PSMD14: variants seen among roughly 807,000 people sequenced by gnomAD.
The protein encoded by PSMD14 is ubiquitin C-terminal hydrolase PSMD14.
PSMD14 carries 7 observed loss-of-function variants against 41.2 expected under a neutral mutation model. The ratio of observed to expected loss-of-function variants is 0.17; its 90% CI spans 0.10 to 0.32. PSMD14 has a LOEUF of 0.32. PSMD14 is among the 10% of genes least tolerant of loss of function. The pLI, the probability that PSMD14 is intolerant of heterozygous loss-of-function variation, is 1.00. For synonymous variants in PSMD14, 114 were observed against 122.3 expected, an observed-to-expected ratio of 0.93 and a Z score of 0.45; for missense variants, 139 against 375.6, an observed-to-expected ratio of 0.37 and a Z score of 5.21.
intron 3 of PSMD14, among the ~76,000 whole-genome samples, chr2:161,360,415 GCATGAT>G (rs1026087175): frequency 1.3e-5 from 2 of 151,436 alleles, no homozygotes; most frequent in Non-Finnish European, 2.9e-5. Flanking sequence ...GAGTGCAGTG[GCATGAT>G]TTTGGCTCAC....
intron 3 of PSMD14, among the ~76,000 whole-genome samples, chr2:161,332,389 A>T (rs183677116): frequency 5.3e-5 from 8 of 152,302 alleles, no homozygotes; most frequent in African/African-American, 1.7e-4. Flanking sequence ...TGTTTTATTT[A>T]AAAAAATTAT....
chr2:161,406,020 C>G (rs1290874486), intron 10 of PSMD14, among the ~76,000 whole-genome samples: 1 of 152,018 alleles, frequency 6.6e-6, no homozygotes, highest in East Asian at 1.9e-4. Context: ...AACAAAAAAT[C>G]CATTGGAATT....
At chr2:161,389,313 A>T (rs111794669) in intron 8 of PSMD14, among the ~76,000 whole-genome samples, 2 of 152,094 alleles carry the variant, frequency 1.3e-5, no homozygotes, top group East Asian at 3.9e-4. Context: ...CTCAAGCTCC[A>T]CTCTCTACGC....
chr2:161,325,185 G>C (rs1232930975), intron 3 of PSMD14, among the ~76,000 whole-genome samples: 4 of 151,946 alleles, frequency 2.6e-5, no homozygotes, highest in Admixed American at 6.6e-5. Flanking sequence ...TTGTATCTCT[G>C]GTACAGACCT....
chr2:161,359,106 A>G (rs1683251771), intron 3 of PSMD14, among the ~76,000 whole-genome samples: 6 of 152,018 alleles, frequency 3.9e-5, no homozygotes, highest in Admixed American at 3.9e-4. Context: ...GTAGCTGGGA[A>G]TACAGGCACA....
chr2:161,392,275 C>T lies in PSMD14; in HGVS notation c.645+1097C>T, dbSNP rs56792517. 1.4e-3 allele frequency among the ~76,000 whole-genome samples: 212 copies of T among 152,268 alleles called. 1 individual carries two copies. The highest frequency in any genetic ancestry group is 4.9e-3 in the African/African-American group (202 of 41,558). On this transcript the variant is annotated intron_variant, in intron 9 of 11. Coordinates refer to ENST00000409682, the MANE Select transcript of PSMD14 (RefSeq NM_005805.6). ...ATTTTTTAAAAGAACACTGAGTTTACTGTTGATTGATAGCCAGTAAGTTTT... is the reference window on the plus strand; with the variant it reads ...ATTTTTTAAAAGAACACTGAGTTTATTGTTGATTGATAGCCAGTAAGTTTT...
intron 8 of PSMD14, among the ~76,000 whole-genome samples, chr2:161,390,045 A>G (rs1366062773): frequency 2.0e-5 from 3 of 149,908 alleles, no homozygotes; most frequent in Non-Finnish European, 4.4e-5. Flanking sequence ...TTTTATTTTC[A>G]TCTGTCAAAA....
intron 3 of PSMD14, among the ~76,000 whole-genome samples, chr2:161,331,516 C>T (rs1414319219): frequency 6.6e-6 from 1 of 152,098 alleles, no homozygotes; most frequent in Non-Finnish European, 1.5e-5. Context: ...CCTCGGCCTA[C>T]CAAAGTGCTG....
chr2:161,385,538 G>T lies in PSMD14; in HGVS notation c.537G>T (p.Ser179=). The stretch of plus-strand genomic sequence containing the variant: ...GACATGAACCAAGACAAACAACTTC[G>T]AATCTGGGTCACTTAAACAAGCCAT... The part of the protein sequence containing the change: ...VLGHEPRQTT[S]NLGHLNKPSI... The change falls in exon 8 of 12, where the codon TCG becomes TCT. Residue 179 remains serine, a synonymous_variant. Coordinates refer to ENST00000409682, the MANE Select transcript of PSMD14 (RefSeq NM_005805.6). 6.2e-7 allele frequency: 1 copy of T among 1,607,610 alleles called. No homozygotes were observed. Among genetic ancestry groups the T allele is most frequent in the South Asian group, 1.1e-5 (1 of 90,788 alleles).
At chr2:161,343,051 G>A (rs1362097308) in intron 3 of PSMD14, among the ~76,000 whole-genome samples, 1 of 151,930 alleles carries the variant, frequency 6.6e-6, no homozygotes, top group African/African-American at 2.4e-5. Flanking sequence ...CTAAATAGTT[G>A]TCTTTTTTTA....
intron 5 of PSMD14, 98 bp from the exon 6 acceptor site, chr2:161,370,009 A>T (rs888838074): frequency 2.5e-6 from 2 of 795,390 alleles, no homozygotes; most frequent in Non-Finnish European, 3.9e-6. Flanking sequence ...AGGTATCAAA[A>T]CCTATAAAAT....
At chr2:161,390,058 C>G (rs1423615590) in intron 8 of PSMD14, among the ~76,000 whole-genome samples, 1 of 151,104 alleles carries the variant, frequency 6.6e-6, no homozygotes, top group Non-Finnish European at 1.5e-5. Flanking sequence ...TGTCAAAATA[C>G]AAATTGAATT....
intron 11 of PSMD14, chr2:161,409,546 C>T (rs1683997504): frequency 6.6e-6 from 1 of 152,164 alleles, no homozygotes; most frequent in East Asian, 1.9e-4. Flanking sequence ...AGACACTAAG[C>T]TGTCTTTGCT....
intron 9 of PSMD14, among the ~76,000 whole-genome samples, chr2:161,392,050 C>T (rs540197985): frequency 6.6e-6 from 1 of 152,082 alleles, no homozygotes; most frequent in Non-Finnish European, 1.5e-5. Flanking sequence ...CATTACCTGA[C>T]GTTTTGATGA....
chr2:161,394,837 T>G lies in PSMD14; in HGVS notation c.646-241T>G, dbSNP rs796607202. ...GTAAGGAAGAGAGGAAGGTAAGTTATGCAAAGATGAGAATAGCCTTCTAGG... is the reference window on the plus strand; with the variant it reads ...GTAAGGAAGAGAGGAAGGTAAGTTAGGCAAAGATGAGAATAGCCTTCTAGG... On this transcript the variant is annotated intron_variant, in intron 9 of 11. Coordinates refer to ENST00000409682, the MANE Select transcript of PSMD14 (RefSeq NM_005805.6). Among the ~76,000 whole-genome samples the G allele has an allele frequency of 2.6e-5, 4 of 152,262 alleles. No individual in the cohort carries two copies. The East Asian group carries it at 7.7e-4, about 29-fold the overall frequency.
In PSMD14 at chr2:161,361,222, C is replaced by T. The variant is rs182756019; in HGVS notation, c.49-6256C>T. Among the ~76,000 whole-genome samples the T allele has an allele frequency of 1.6e-4, 24 of 151,940 alleles. No individual in the cohort carries two copies. The South Asian group carries it at 3.9e-3, about 25-fold the overall frequency. On this transcript the variant is annotated intron_variant, in intron 3 of 11. Coordinates refer to ENST00000409682, the MANE Select transcript of PSMD14 (RefSeq NM_005805.6). ...AAGGAAATTTAGTTTTAAATGCTTC[C>T]AGTACTAAGAAAAAATGAAAAATTA...
chr2:161,344,487 A>G (rs1181751257), intron 3 of PSMD14, among the ~76,000 whole-genome samples: 2 of 152,252 alleles, frequency 1.3e-5, no homozygotes, highest in Non-Finnish European at 2.9e-5. Flanking sequence ...CAACATATGA[A>G]TAGGAAGGAG....
intron 10 of PSMD14, among the ~76,000 whole-genome samples, chr2:161,404,288 T>C (rs537869191): frequency 9.2e-5 from 14 of 152,300 alleles, no homozygotes; most frequent in African/African-American, 3.4e-4. Context: ...ATTTTATCTT[T>C]AGTACACTGC....
intron 3 of PSMD14, chr2:161,341,027 C>A (rs923138703): frequency 6.2e-7 from 1 of 1,607,652 alleles, no homozygotes; most frequent in African/African-American, 1.3e-5. Context: ...CCGCTGGCGC[C>A]GCCGCGGGAT....
Sources: allele counts gnomAD v4.1 joint callset (sites outside exome capture counted in the v4.1 genomes callset), GRCh38; gene constraint gnomAD v4.1.1; transcripts MANE v1.5; gene names NCBI Gene and HGNC (gene_info 2026-07-23, HGNC 2026-07-21).